The following BRCA1 variants were observed in gnomAD, a reference collection of about 807,000 sequenced individuals.
BRCA1 encodes the protein BRCA1 DNA repair associated.
In BRCA1, 140 loss-of-function variants were observed where a neutral mutation model predicts 173.7. The observed-to-expected ratio is 0.81, with a 90% confidence interval of 0.70 to 0.93. BRCA1 has a LOEUF of 0.93. Ranked by LOEUF, BRCA1 falls within the 40% of genes least tolerant of loss-of-function variation. The probability of loss-of-function intolerance (pLI) is 0.00; values close to 1 mark genes in which losing one functional copy is unlikely to be tolerated. For missense variants in BRCA1, 1,983 were observed against 2,172.5 expected (o/e 0.91, Z 1.73); for synonymous variants, 662 against 756.0 (o/e 0.88, Z 2.04).
At chr17:43,076,237 C>T (rs966972254) in intron 13 of BRCA1, among the ~76,000 whole-genome samples, 1 of 152,014 alleles carries the variant, frequency 6.6e-6, no homozygotes, top group Non-Finnish European at 1.5e-5. Context: ...GGTTTTACCT[C>T]CATTATATTT....
intron 1 of BRCA1, chr17:43,163,397 G>C (rs550202935): frequency 6.6e-6 from 1 of 152,234 alleles, no homozygotes. Context: ...CCTCGTTGTT[G>C]TTGGTTGTAA....
chr17:43,082,622 G>A (rs1213347712), intron 11 of BRCA1, 47 bp from the exon 12 acceptor site: 5 of 1,589,356 alleles, frequency 3.1e-6, no homozygotes, highest in Non-Finnish European at 4.3e-6. Flanking sequence ...ACTTTGAGAA[G>A]CTTTCCATTA....
At chr17:43,140,985 G>T (rs1156919983) in intron 1 of BRCA1, among the ~76,000 whole-genome samples, 1 of 152,156 alleles carries the variant, frequency 6.6e-6, no homozygotes, top group East Asian at 1.9e-4. Flanking sequence ...CTTTCATTTA[G>T]TAGCTGTTGG....
At position 43,094,838 on chromosome 17, in the gene BRCA1, C is replaced by T. The variant is rs62625298; in HGVS notation, c.693G>A (p.Thr231=). 176 of 1,612,652 alleles carry T rather than the reference C, an allele frequency of 1.1e-4. No individual in the cohort carries two copies. Among genetic ancestry groups the T allele is most frequent in the Middle Eastern group, 6.6e-4 (4 of 6,082 alleles). The change falls in exon 10 of 23, where the codon ACG becomes ACA. Residue 231 remains threonine, a synonymous_variant. Transcript: ENST00000357654. ...AKKAACEFSE[T]DVTNTEHHQP... ...GATGATGTTCAGTATTTGTTACATC[C>T]GTCTCAGAAAATTCACAAGCAGCTG...
In BRCA1 at chr17:43,156,101, G is replaced by C. The variant is rs140426560; in HGVS notation, c.-20+14025C>G. 1.3e-3 allele frequency among the ~76,000 whole-genome samples: 194 copies of C among 152,220 alleles called. 1 individual carries two copies. Among genetic ancestry groups the C allele is most frequent in the African/African-American group, 4.4e-3 (183 of 41,532 alleles). On this transcript the variant is annotated intron_variant, in intron 1 of 7. Coordinates refer to the BRCA1 transcript ENST00000634433. ...AAACTACAAAAATTAACCAGGCATG[G>C]TGGCACGCACCTGTAGTCCTGGCTA...
chr17:43,072,216 T>C (rs1325577207), intron 14 of BRCA1, among the ~76,000 whole-genome samples: 1 of 151,474 alleles, frequency 6.6e-6, no homozygotes, highest in African/African-American at 2.4e-5. Flanking sequence ...GGAGAAACCC[T>C]GTCTCTACTA....
At chr17:43,088,313 C>A (rs1293517497) in intron 11 of BRCA1, among the ~76,000 whole-genome samples, 1 of 152,108 alleles carries the variant, frequency 6.6e-6, no homozygotes, top group East Asian at 1.9e-4. Context: ...CTCCCCATTT[C>A]CCCCTCCCCA....
In BRCA1 at chr17:43,070,962, G is replaced by A. The variant is rs80356938; in HGVS notation, c.4952C>T (p.Ser1651Phe). The A allele has an allele frequency of 6.2e-6, 10 of 1,614,186 alleles. No homozygotes were observed. Among genetic ancestry groups the A allele is most frequent in the Non-Finnish European group, 8.5e-6 (10 of 1,180,044 alleles). ...TGGGGTCAGGCCAGACACCACCATG[G>A]ACATTCTTTTGTTGACCCTTTCTGT... Reference protein sequence around the residue: ...ASTERVNKRMSMVVSGLTPEE... With the variant: ...ASTERVNKRMFMVVSGLTPEE... The change falls in exon 15 of 23, where the codon TCC (serine) becomes TTC (phenylalanine). Residue 1651 changes from serine to phenylalanine, a missense_variant. By Grantham distance (155) the Ser-to-Phe change is radical. Transcript: ENST00000357654.
intron 1 of BRCA1, among the ~76,000 whole-genome samples, chr17:43,155,703 T>G (rs1288978060): frequency 6.6e-6 from 1 of 152,100 alleles, no homozygotes; most frequent in Non-Finnish European, 1.5e-5. Flanking sequence ...TGGCTAATTT[T>G]TTTGTATTTT....
chr17:43,131,858 A>G (rs942919643), intron 1 of BRCA1, among the ~76,000 whole-genome samples: 7 of 151,946 alleles, frequency 4.6e-5, no homozygotes, highest in African/African-American at 1.7e-4. Flanking sequence ...ATCTCAGCTC[A>G]CTGCAACCTC....
chr17:43,132,572 TTTTCC>T, intron 1 of BRCA1: 1 of 152,360 alleles, frequency 6.6e-6, no homozygotes, highest in Non-Finnish European at 1.5e-5. Context: ...CTTTTTTTTT[TTTTCC>T]TTTTTCTTTT....
At chr17:43,082,988 G>T (rs568238249) in intron 11 of BRCA1, among the ~76,000 whole-genome samples, 1 of 152,184 alleles carries the variant, frequency 6.6e-6, no homozygotes, top group Non-Finnish European at 1.5e-5. Flanking sequence ...AGACATTTAG[G>T]TTAGTTCATA....
upstream of BRCA1, among the ~76,000 whole-genome samples, chr17:43,126,636 G>C (rs1376509708): frequency 1.3e-5 from 2 of 152,228 alleles, no homozygotes; most frequent in Non-Finnish European, 2.9e-5. Flanking sequence ...GGCGAAAAGC[G>C]CCGGAGAGTT....
At chr17:43,121,696 A>AAAG (rs2055583662) in intron 2 of BRCA1, among the ~76,000 whole-genome samples, 1 of 151,262 alleles carries the variant, frequency 6.6e-6, no homozygotes, top group Non-Finnish European at 1.5e-5. Context: ...AAAAAAAAAA[A>AAAG]AAAAAAAAAA....
At chr17:43,059,406 T>G (rs2051648747) in intron 18 of BRCA1, among the ~76,000 whole-genome samples, 2 of 151,954 alleles carry the variant, frequency 1.3e-5, no homozygotes, top group Admixed American at 1.3e-4. Flanking sequence ...GAGGTTGGAG[T>G]GAGCTGAGAT....
intron 1 of BRCA1, chr17:43,164,223 G>C (rs1209700025): frequency 6.6e-6 from 1 of 152,226 alleles, no homozygotes; most frequent in Non-Finnish European, 1.5e-5. Flanking sequence ...TACAAAAACT[G>C]GTTGGGGCAG....
intron 1 of BRCA1, chr17:43,163,167 T>C (rs925677349): frequency 7.2e-5 from 11 of 152,284 alleles, no homozygotes; most frequent in African/African-American, 2.7e-4. Flanking sequence ...CTAACAGGGC[T>C]GTTGCTGCTA....
chr17:43,169,808 C>G (rs2056309581), intron 1 of BRCA1: 4 of 254,148 alleles, frequency 1.6e-5, no homozygotes, highest in South Asian at 1.5e-4. Flanking sequence ...GCCCAGTTAT[C>G]TGAGAAACCC....
At chr17:43,134,907 C>T (rs1235550205) in intron 1 of BRCA1, among the ~76,000 whole-genome samples, 1 of 152,242 alleles carries the variant, frequency 6.6e-6, no homozygotes, top group African/African-American at 2.4e-5. Flanking sequence ...ACAGGACGCC[C>T]AGGCCGAGGG....
Sources: gnomAD v4.1 joint callset for allele counts (sites outside exome capture counted in the v4.1 genomes callset) on GRCh38, gnomAD v4.1.1 for gene constraint, MANE v1.5 for transcripts, NCBI Gene and HGNC (gene_info 2026-07-23, HGNC 2026-07-21) for gene names.